CROT: variants seen among roughly 807,000 people sequenced by gnomAD.
CROT encodes peroxisomal carnitine O-octanoyltransferase.
Under a neutral mutation model 89.2 loss-of-function variants are expected in CROT, and 84 were observed. The observed-to-expected ratio is 0.94, with a 90% CI of 0.79 to 1.13. CROT has a LOEUF of 1.13. Ranked by LOEUF, CROT falls within the 50% of genes most tolerant of loss-of-function variation. The probability of loss-of-function intolerance (pLI) is 0.00; values close to 1 mark genes in which losing one functional copy is unlikely to be tolerated. For missense variants in CROT, 711 were observed against 727.8 expected (o/e 0.98, Z 0.27); for synonymous variants, 212 against 239.5 (o/e 0.89, Z 1.06).
At chr7:87,394,508 C>T (rs1342508844) in intron 17 of CROT, among the ~76,000 whole-genome samples, 2 of 150,934 alleles carry the variant, frequency 1.3e-5, no homozygotes, top group Middle Eastern at 3.4e-3. Context: ...TCTGTAGCTG[C>T]ATTTGCCCAT....
intron 3 of CROT, among the ~76,000 whole-genome samples, chr7:87,358,535 C>T (rs1386708952): frequency 7.1e-6 from 1 of 140,748 alleles, no homozygotes. Context: ...ATAACGTAAA[C>T]AGTTGATTAA....
At chr7:87,388,670 A>T (rs1159136063) in intron 13 of CROT, among the ~76,000 whole-genome samples, 2 of 152,332 alleles carry the variant, frequency 1.3e-5, no homozygotes, top group East Asian at 3.9e-4. Context: ...ACCCATAAAA[A>T]CTCTAGAAGA....
chr7:87,347,581 C>G (rs1423257591), intron 2 of CROT, among the ~76,000 whole-genome samples: 1 of 152,170 alleles, frequency 6.6e-6, no homozygotes, highest in Non-Finnish European at 1.5e-5. Context: ...AGCTAAAGAA[C>G]TTTGAGTTAA....
intron 14 of CROT, among the ~76,000 whole-genome samples, chr7:87,392,346 A>T (rs1365997770): frequency 6.6e-6 from 1 of 152,156 alleles, no homozygotes; most frequent in Non-Finnish European, 1.5e-5. Context: ...CCACAAGTTC[A>T]TAGTTTCCTA....
chr7:87,357,595 G>T (rs1806123990), intron 3 of CROT: 2 of 1,080,084 alleles, frequency 1.9e-6, no homozygotes, highest in Admixed American at 2.0e-5. Context: ...TTCAAGGTGA[G>T]TTGCAGAGTG....
At chr7:87,358,952 G>T (rs1169210550) in intron 3 of CROT, among the ~76,000 whole-genome samples, 2 of 152,156 alleles carry the variant, frequency 1.3e-5, no homozygotes, top group African/African-American at 4.8e-5. Flanking sequence ...GATGAAAAAT[G>T]CAGTCCTTTG....
Position 87,398,634 on chromosome 7 carries a change from C to G in CROT, c.1829C>G (p.Thr610Ser). ...FHDMIQLMNS[T>S]HL The stretch of plus-strand genomic sequence containing the variant: ...GATATGATACAGCTGATGAACTCTA[C>G]TCATCTTTAGAGATGAATCATCTAT... The change falls in exon 18 of 18, where the codon ACT becomes AGT. Residue 610 changes from threonine (T) to serine (S), a missense_variant. By Grantham distance (58) the Thr-to-Ser change is moderately conservative. Coordinates refer to ENST00000331536, the MANE Select transcript of CROT (RefSeq NM_021151.4). The G allele has an allele frequency of 2.5e-6, 4 of 1,613,162 alleles. No homozygotes were observed. The highest frequency in any genetic ancestry group is 3.4e-6 in the Non-Finnish European group (4 of 1,179,768).
intron 4 of CROT, 86 bp downstream of exon 4, chr7:87,359,416 T>TA: frequency 4.0e-6 from 6 of 1,492,444 alleles, no homozygotes; most frequent in Non-Finnish European, 5.3e-6. Context: ...ATTATTGCTG[T>TA]AAAAATTTTT....
chr7:87,380,618 T>C (rs1045684009), intron 10 of CROT, among the ~76,000 whole-genome samples: 1 of 152,142 alleles, frequency 6.6e-6, no homozygotes, highest in African/African-American at 2.4e-5. Flanking sequence ...AAGGTAAAAA[T>C]TATGTGAACA....
rs1480519511 is a variant in CROT, at chr7:87,349,126, C to T, written c.58C>T (p.Leu20Phe). Reference protein sequence around the residue: ...EERTFQYQDSLPSLPVPSLEE... With the variant: ...EERTFQYQDSFPSLPVPSLEE... ...ACGAACATTTCAGTACCAGGATTCT[C>T]TTCCATCACTGCCTGTTCCTTCACT... Residue 20 changes from leucine to phenylalanine, a missense_variant, in exon 3 of 18, where the codon CTT (leucine) becomes TTT (phenylalanine). Transcript: ENST00000331536. 1 of 1,608,132 alleles carries T rather than the reference C, an allele frequency of 6.2e-7. No homozygotes were observed. Among genetic ancestry groups the T allele is most frequent in the Non-Finnish European group, 8.5e-7 (1 of 1,176,400 alleles).
chr7:87,370,848 G>A (rs1806609794), intron 7 of CROT, among the ~76,000 whole-genome samples: 1 of 152,204 alleles, frequency 6.6e-6, no homozygotes, highest in Non-Finnish European at 1.5e-5. Flanking sequence ...ACACCCAGGA[G>A]AGAATTTGCT....
At chr7:87,352,415 A>T (rs535685797) in intron 3 of CROT, among the ~76,000 whole-genome samples, 2 of 152,340 alleles carry the variant, frequency 1.3e-5, no homozygotes, top group Admixed American at 6.5e-5. Flanking sequence ...CCAGATGGGA[A>T]TGGAGGTGGG....
intron 3 of CROT, 63 bp from the exon 4 acceptor site, chr7:87,359,143 A>T (rs540279719): frequency 8.3e-5 from 89 of 1,067,226 alleles, no homozygotes; most frequent in Non-Finnish European, 1.3e-4. Context: ...ATAAGTTAGT[A>T]ATAATAGAGG....
rs1418623159 is a variant in CROT at position 87,381,803 on chromosome 7, CT to C, written c.979-106del. On this transcript the variant is annotated intron_variant, in intron 10 of 17. Transcript: ENST00000331536. The stretch of plus-strand genomic sequence containing the variant: ...TCAAGAGGTGAGGCATTTGAAGACT[CT>C]ATGCTTTATTATCTGTTAAGAATGG... The C allele has an allele frequency of 8.5e-6, 6 of 704,884 alleles. No homozygotes were observed. In the African/African-American group the frequency reaches 1.1e-4, roughly 13 times the overall value. 43.7% of individuals were successfully genotyped at this position (704,884 alleles called of 1,614,324 possible). A position where few individuals can be genotyped will look rare whatever the true frequency, so the allele number is the denominator to read the frequency against.
At chr7:87,347,582 TTTGAG>T (rs1165928650) in intron 2 of CROT, among the ~76,000 whole-genome samples, 2 of 152,230 alleles carry the variant, frequency 1.3e-5, no homozygotes, top group African/African-American at 4.8e-5. Flanking sequence ...GCTAAAGAAC[TTTGAG>T]TTAATTATTA....
chr7:87,392,161 C>A (rs975313382), intron 14 of CROT, among the ~76,000 whole-genome samples: 3 of 152,110 alleles, frequency 2.0e-5, no homozygotes, highest in African/African-American at 4.8e-5. Context: ...AAATTTCCTT[C>A]TCACTGTTAT....
intron 17 of CROT, among the ~76,000 whole-genome samples, chr7:87,394,722 T>TG (rs1807469548): frequency 3.3e-5 from 5 of 152,148 alleles, no homozygotes; most frequent in Admixed American, 1.3e-4. Flanking sequence ...TAAAAAGGCA[T>TG]ACCTATAGAC....
In CROT at chr7:87,377,460, C is replaced by T. The variant is rs1806847052; in HGVS notation, c.978+10C>T. On this transcript the variant is annotated intron_variant, in intron 10 of 17. Transcript: ENST00000331536. The stretch of plus-strand genomic sequence containing the variant: ...TGGCTGTAATTGTGATGTAAGTAAA[C>T]TACTGAAATTTTTCTCTTTTGATCT... The T allele has an allele frequency of 6.7e-7, 1 of 1,490,382 alleles. No homozygotes were observed. The highest frequency in any genetic ancestry group is 1.4e-5 in the African/African-American group (1 of 72,252). 92.3% of individuals were successfully genotyped at this position (1,490,382 alleles called of 1,614,324 possible). A position where few individuals can be genotyped will look rare whatever the true frequency, so the allele number is the denominator to read the frequency against.
intron 4 of CROT, 135 bp from the exon 5 acceptor site, chr7:87,361,255 A>C (rs1403685392): frequency 1.1e-6 from 1 of 885,868 alleles, no homozygotes; most frequent in African/African-American, 1.7e-5. Flanking sequence ...GAGTCACCTC[A>C]CCCAGCCAAA....
Sources: allele counts gnomAD v4.1 joint callset (sites outside exome capture counted in the v4.1 genomes callset), GRCh38; gene constraint gnomAD v4.1.1; transcripts MANE v1.5; gene names NCBI Gene and HGNC (gene_info 2026-07-23, HGNC 2026-07-21).